The following CDH23 variants were observed in gnomAD, a reference collection of about 807,000 sequenced individuals.
CDH23 encodes the protein cadherin related 23.
In CDH23, 189 loss-of-function variants were observed where a neutral mutation model predicts 317.1. That is an observed-to-expected ratio of 0.60 (90% CI 0.53 to 0.67). The LOEUF (loss-of-function observed/expected upper bound fraction) is 0.67. Among genes scored for constraint, CDH23 ranks in the 30% least tolerant of loss-of-function variants. The pLI is 0.00. For missense variants in CDH23, 4,401 were observed against 4,592.4 expected, an observed-to-expected ratio of 0.96 and a Z score of 1.20; for synonymous variants, 1,839 against 1,876.8, an observed-to-expected ratio of 0.98 and a Z score of 0.52.
chr10:71,596,751 C>T (rs1859873781), intron 9 of CDH23, among the ~76,000 whole-genome samples: 3 of 152,168 alleles, frequency 2.0e-5, no homozygotes, highest in Admixed American at 2.0e-4. Context: ...GGCCAAGTTG[C>T]AGAAAGTGCT....
At chr10:71,709,420 G>T (rs1865897666) in intron 27 of CDH23, among the ~76,000 whole-genome samples, 1 of 152,258 alleles carries the variant, frequency 6.6e-6, no homozygotes, top group South Asian at 2.1e-4. Context: ...GGATGGTAAG[G>T]TGGGAGCTAC....
rs1198146587 is a variant in CDH23 at position 71,570,888 on chromosome 10, C to T, written c.723C>T (p.Tyr241=). Residue 241 remains tyrosine (Y), a synonymous_variant, in exon 8 of 70, where the codon TAC becomes TAT. Transcript: ENST00000224721. ...ACCCCATCTTCATCAACCTGCCTTA[C>T]AGCACCAACATCTACGAGCATTCTC... ...DMDPIFINLP[Y]STNIYEHSPP... 8 of 1,614,026 alleles carry T rather than the reference C, an allele frequency of 5.0e-6. No individual in the cohort carries two copies. Among genetic ancestry groups the T allele is most frequent in the African/African-American group, 1.3e-5 (1 of 75,076 alleles).
rs58361666 is a variant in CDH23 at position 71,667,359 on chromosome 10, A to AGAGAGAGTGTGT, written c.1450-7752_1450-7751insAGAGAGTGTGTG. Among the ~76,000 whole-genome samples the AGAGAGAGTGTGT allele has an allele frequency of 3.7e-3, 413 of 112,058 alleles. 2 individuals are homozygous for AGAGAGAGTGTGT. Among genetic ancestry groups the AGAGAGAGTGTGT allele is most frequent in the East Asian group, 6.7e-3 (23 of 3,444 alleles). The allele number at this position is 112,058 out of a possible 152,430, so 73.5% of individuals were successfully genotyped here. On this transcript the variant is annotated intron_variant, in intron 14 of 69. Transcript: ENST00000224721. The stretch of plus-strand genomic sequence containing the variant: ...GCTTGAGGCAGAGAAAGAGAGAGAG[A>AGAGAGAGTGTGT]GTGTGTGTGTGTGTGTGTGTGTGTG...
In CDH23 at chr10:71,791,316, G is replaced by T; in HGVS notation, c.6234G>T (p.Leu2078=). ...TFSPATLTVH[L]LENCPPGFSV... Reference sequence around the variant, plus strand: ...GCCCTGCCACCCTCACTGTCCATCTGCTAGAGAACTGCCCGCCTGGTAAGC... The same window carrying T: ...GCCCTGCCACCCTCACTGTCCATCTTCTAGAGAACTGCCCGCCTGGTAAGC... The change falls in exon 47 of 70, where the codon CTG becomes CTT. Residue 2078 remains leucine (L), a synonymous_variant. Transcript: ENST00000224721. 1 of 1,613,682 alleles carries T rather than the reference G, an allele frequency of 6.2e-7. No homozygotes were observed. Among genetic ancestry groups the T allele is most frequent in the Non-Finnish European group, 8.5e-7 (1 of 1,179,800 alleles).
intron 9 of CDH23, 98 bp downstream of exon 9, chr10:71,578,090 T>C (rs780945049): frequency 7.5e-5 from 91 of 1,217,698 alleles, no homozygotes; most frequent in Non-Finnish European, 1.0e-4. Flanking sequence ...AGGAGAGGTC[T>C]GCGGGCATGT....
intron 27 of CDH23, among the ~76,000 whole-genome samples, chr10:71,710,448 C>G (rs572642069): frequency 3.9e-5 from 6 of 152,362 alleles, no homozygotes; most frequent in South Asian, 2.1e-4. Flanking sequence ...CCTCACCCCC[C>G]ACCCCAACCT....
In CDH23 at chr10:71,494,920, A is replaced by G. The variant is rs146327612; in HGVS notation, c.146-15162A>G. Among the ~76,000 whole-genome samples the G allele has an allele frequency of 7.1e-3, 1,080 of 152,206 alleles. 20 individuals are homozygous for G. Among genetic ancestry groups the G allele is most frequent in the Middle Eastern group, 0.031 (9 of 294 alleles). On this transcript the variant is annotated intron_variant, in intron 3 of 69. Transcript: ENST00000224721. ...GCCCACCTGAAAGCAGGTGAGCCCCATGAGATGAATAAAGGGTGTGTACCC... is the reference window on the plus strand; with the variant it reads ...GCCCACCTGAAAGCAGGTGAGCCCCGTGAGATGAATAAAGGGTGTGTACCC...
At chr10:71,760,465 T>C (rs1219422112) in intron 38 of CDH23, 3 of 163,264 alleles carry the variant, frequency 1.8e-5, no homozygotes, top group Non-Finnish European at 2.7e-5. Context: ...CTGAAGAACA[T>C]AGAAACACAG....
At position 71,677,523 on chromosome 10, in the gene CDH23, C is replaced by T. The variant is rs774145890; in HGVS notation, c.1582C>T (p.Arg528Cys). 8.7e-6 allele frequency: 14 copies of T among 1,612,182 alleles called. No individual in the cohort carries two copies. Among genetic ancestry groups the T allele is most frequent in the Non-Finnish European group, 1.0e-5 (12 of 1,179,434 alleles). ...CAGGCTGGACTATGAGCTCATCCAG[C>T]GCTTCACCCTGACGATCATTGCCCG... ...IARLDYELIQRFTLTIIARDG... is the reference protein window; with the variant it reads ...IARLDYELIQCFTLTIIARDG... Residue 528 changes from arginine to cysteine, a missense_variant, in exon 16 of 70, where the codon CGC (arginine) becomes TGC (cysteine). Physicochemically the swap from Arg to Cys is radical, Grantham distance 180. Transcript: ENST00000224721.
intron 44 of CDH23, among the ~76,000 whole-genome samples, chr10:71,786,666 T>A (rs1003559276): frequency 2.6e-5 from 4 of 151,728 alleles, no homozygotes; most frequent in African/African-American, 9.7e-5. Context: ...CCCGGCTAAT[T>A]TTTGTATTTT....
At chr10:71,801,150 CTTTTTTTTTT>C (rs386371783) in intron 53 of CDH23, among the ~76,000 whole-genome samples, 1 of 73,958 alleles carries the variant, frequency 1.4e-5, no homozygotes, top group Admixed American at 1.7e-4. Flanking sequence ...CTCTCTCTCT[CTTTTTTTTTT>C]TTTTTTTTTT....
rs1250580349 is a variant in CDH23 at position 71,738,556 on chromosome 10, A to G, written c.4268A>G (p.Asp1423Gly). 1.9e-6 allele frequency: 3 copies of G among 1,613,812 alleles called. No homozygotes were observed. In the East Asian group the frequency reaches 6.7e-5, roughly 36 times the overall value. ...AGCCCCCGGTTTGACTTCACCTCCG[A>G]CTCGGCGGTCAGCATACCCGAGGAC... Reference protein sequence around the residue: ...DNSPRFDFTSDSAVSIPEDCP... With the variant: ...DNSPRFDFTSGSAVSIPEDCP... The change falls in exon 35 of 70, where the codon GAC (aspartate) becomes GGC (glycine). Residue 1423 changes from aspartate to glycine, a missense_variant. Transcript: ENST00000224721.
chr10:71,652,059 C>A (rs1000685671), intron 14 of CDH23, among the ~76,000 whole-genome samples: 1 of 152,228 alleles, frequency 6.6e-6, no homozygotes, highest in Non-Finnish European at 1.5e-5. Flanking sequence ...ACAAGACAGG[C>A]TTCTTCCCCA....
chr10:71,527,451 C>T (rs1274512306), intron 6 of CDH23, among the ~76,000 whole-genome samples: 2 of 152,258 alleles, frequency 1.3e-5, no homozygotes, highest in Non-Finnish European at 2.9e-5. Context: ...GCCCAGCCTC[C>T]TCCTCTGGGC....
intron 6 of CDH23, among the ~76,000 whole-genome samples, chr10:71,517,629 T>C (rs1221926485): frequency 6.6e-6 from 1 of 152,216 alleles, no homozygotes; most frequent in Non-Finnish European, 1.5e-5. Flanking sequence ...GCTCCACTCA[T>C]GAGCGTGTCA....
intron 19 of CDH23, among the ~76,000 whole-genome samples, chr10:71,689,695 C>G (rs994618703): frequency 6.6e-6 from 1 of 152,230 alleles, no homozygotes; most frequent in Non-Finnish European, 1.5e-5. Flanking sequence ...AGGATCCCAG[C>G]AGCAAACTCA....
intron 6 of CDH23, among the ~76,000 whole-genome samples, chr10:71,524,496 G>C (rs546978277): frequency 6.6e-6 from 1 of 152,214 alleles, no homozygotes; most frequent in African/African-American, 2.4e-5. Flanking sequence ...AAAGGAGGAT[G>C]CCTTGCTCAG....
chr10:71,410,648 T>C (rs1442629903), intron 1 of CDH23, among the ~76,000 whole-genome samples: 1 of 152,224 alleles, frequency 6.6e-6, no homozygotes, highest in East Asian at 1.9e-4. Flanking sequence ...CCAGAGCCAT[T>C]ACCCGTCATC....
chr10:71,629,256 T>C (rs1861893658), intron 11 of CDH23, among the ~76,000 whole-genome samples: 1 of 151,754 alleles, frequency 6.6e-6, no homozygotes, highest in Non-Finnish European at 1.5e-5. Context: ...TGTCAGGTGG[T>C]GAGAAGAGCC....
Sources: gnomAD v4.1 joint callset for allele counts (sites outside exome capture counted in the v4.1 genomes callset) on GRCh38, gnomAD v4.1.1 for gene constraint, MANE v1.5 for transcripts, NCBI Gene and HGNC (gene_info 2026-07-23, HGNC 2026-07-21) for gene names.